Variants in TBC1D22A observed in about 807,000 individuals in gnomAD.
The protein encoded by TBC1D22A is TBC1 domain family member 22A, also known as putative GTPase activator.
Under a neutral mutation model 60.2 loss-of-function variants are expected in TBC1D22A, and 38 were observed. The observed-to-expected ratio is 0.63, with a 90% CI of 0.49 to 0.83. The LOEUF (loss-of-function observed/expected upper bound fraction) is 0.83, where lower values mean the gene tolerates loss of function less well. Ranked by LOEUF, TBC1D22A falls within the 40% of genes least tolerant of loss-of-function variation. TBC1D22A has a pLI of 0.00. For missense variants in TBC1D22A, 628 were observed against 701.0 expected (o/e 0.90, Z 1.18); for synonymous variants, 302 against 281.7 (o/e 1.07, Z -0.72).
intron 10 of TBC1D22A, among the ~76,000 whole-genome samples, chr22:47,029,346 C>G (rs1455331625): frequency 1.3e-5 from 2 of 152,220 alleles, no homozygotes; most frequent in African/African-American, 4.8e-5. Context: ...CCCAATGGGG[C>G]CAGGGTGCTA....
intron 8 of TBC1D22A, among the ~76,000 whole-genome samples, chr22:46,971,990 G>A (rs9616182): frequency 0.054 from 8,231 of 152,292 alleles, 316 homozygotes; most frequent in Non-Finnish European, 0.086. Flanking sequence ...GGGCACACCC[G>A]GCTGGGAGGA....
At chr22:47,014,178 G>A (rs536268218) in intron 10 of TBC1D22A, among the ~76,000 whole-genome samples, 2 of 152,206 alleles carry the variant, frequency 1.3e-5, no homozygotes, top group Non-Finnish European at 2.9e-5. Context: ...GCTACCCCTG[G>A]CTTTCTGCAG....
At chr22:46,804,316 A>G (rs1271959190) in intron 4 of TBC1D22A, among the ~76,000 whole-genome samples, 1 of 152,254 alleles carries the variant, frequency 6.6e-6, no homozygotes, top group Admixed American at 6.5e-5. Flanking sequence ...ATTAACGGAA[A>G]TGTTATTGAA....
chr22:47,167,583 A>C (rs1382230058), intron 12 of TBC1D22A, among the ~76,000 whole-genome samples: 1 of 152,204 alleles, frequency 6.6e-6, no homozygotes, highest in Non-Finnish European at 1.5e-5. Flanking sequence ...AGGTACGTGG[A>C]CGCCAGAGAG....
chr22:46,820,119 C>T (rs999532297), intron 4 of TBC1D22A, among the ~76,000 whole-genome samples: 2 of 151,916 alleles, frequency 1.3e-5, no homozygotes, highest in Non-Finnish European at 2.9e-5. Context: ...CTCTTTGATT[C>T]TTCTCTCCCT....
At chr22:47,025,344 C>T (rs1379793017) in intron 10 of TBC1D22A, among the ~76,000 whole-genome samples, 2 of 152,084 alleles carry the variant, frequency 1.3e-5, no homozygotes, top group African/African-American at 2.4e-5. Flanking sequence ...ATATTTTGGG[C>T]CATTAAAAAA....
chr22:47,054,860 C>T (rs1327656128), intron 11 of TBC1D22A, among the ~76,000 whole-genome samples: 1 of 152,170 alleles, frequency 6.6e-6, no homozygotes, highest in African/African-American at 2.4e-5. Flanking sequence ...TTGTAAACAG[C>T]AGAAATGTCG....
intron 4 of TBC1D22A, among the ~76,000 whole-genome samples, chr22:46,828,919 A>G (rs1394007448): frequency 6.6e-6 from 1 of 152,162 alleles, no homozygotes; most frequent in Non-Finnish European, 1.5e-5. Flanking sequence ...TCATACTTGA[A>G]ACGACCTACA....
At chr22:46,848,292 A>G (rs953281189) in intron 4 of TBC1D22A, among the ~76,000 whole-genome samples, 2 of 152,238 alleles carry the variant, frequency 1.3e-5, no homozygotes, top group African/African-American at 4.8e-5. Context: ...TGCGGGCATA[A>G]ATCTCATGCT....
intron 8 of TBC1D22A, among the ~76,000 whole-genome samples, chr22:46,932,033 T>C (rs1467745915): frequency 2.6e-5 from 4 of 152,170 alleles, no homozygotes; most frequent in South Asian, 2.1e-4. Context: ...AGGAATGCCT[T>C]ATTCTGATGT....
intron 10 of TBC1D22A, among the ~76,000 whole-genome samples, chr22:47,003,545 C>T (rs1012536368): frequency 2.8e-5 from 4 of 145,116 alleles, no homozygotes; most frequent in Admixed American, 2.0e-4. Flanking sequence ...CACACACATG[C>T]CTGTATACAC....
chr22:46,782,749 C>T (rs1427837002), intron 1 of TBC1D22A, among the ~76,000 whole-genome samples: 1 of 152,206 alleles, frequency 6.6e-6, no homozygotes, highest in Non-Finnish European at 1.5e-5. Flanking sequence ...CGGCCTTTTG[C>T]GTCTCTCAGC....
chr22:46,765,878 C>A (rs2083264329), intron 1 of TBC1D22A, among the ~76,000 whole-genome samples: 1 of 150,496 alleles, frequency 6.6e-6, no homozygotes, highest in Admixed American at 6.6e-5. Flanking sequence ...CCTCCTGGGT[C>A]CCGGTTGAAG....
intron 9 of TBC1D22A, among the ~76,000 whole-genome samples, chr22:46,988,625 G>C (rs375232818): frequency 3.9e-5 from 6 of 152,342 alleles, no homozygotes; most frequent in African/African-American, 1.2e-4. Context: ...TTCTTTCTGA[G>C]CAGTAGGTCT....
intron 4 of TBC1D22A, among the ~76,000 whole-genome samples, chr22:46,853,674 C>G (rs1018685168): frequency 6.6e-6 from 1 of 152,186 alleles, no homozygotes; most frequent in Non-Finnish European, 1.5e-5. Flanking sequence ...TACTTGAGAG[C>G]GGAACAGGAA....
At chr22:47,048,759 C>T (rs979221551) in intron 11 of TBC1D22A, among the ~76,000 whole-genome samples, 16 of 152,112 alleles carry the variant, frequency 1.1e-4, no homozygotes, top group Non-Finnish European at 2.4e-4. Context: ...CTTACTGTTG[C>T]CCAGCTCTGG....
chr22:46,883,730 C>A (rs1246100397), intron 5 of TBC1D22A, among the ~76,000 whole-genome samples: 1 of 152,226 alleles, frequency 6.6e-6, no homozygotes, highest in African/African-American at 2.4e-5. Flanking sequence ...GGCTGGGCCC[C>A]TTCACTGGCA....
chr22:46,858,447 T>G (rs2087681729), intron 4 of TBC1D22A, among the ~76,000 whole-genome samples: 1 of 134,288 alleles, frequency 7.4e-6, no homozygotes, highest in African/African-American at 3.1e-5. Context: ...CAGGCTTTGT[T>G]TCTTGTGGCA....
intron 1 of TBC1D22A, among the ~76,000 whole-genome samples, chr22:46,786,538 A>G (rs983033930): frequency 6.6e-6 from 1 of 152,170 alleles, no homozygotes; most frequent in African/African-American, 2.4e-5. Context: ...GAGTTGGGAA[A>G]TATTACCTCC....
Sources: allele counts gnomAD v4.1 joint callset (sites outside exome capture counted in the v4.1 genomes callset), GRCh38; gene constraint gnomAD v4.1.1; transcripts MANE v1.5; gene names NCBI Gene and HGNC (gene_info 2026-07-23, HGNC 2026-07-21).